Variants in BIRC6 observed in about 807,000 individuals in gnomAD.
The protein encoded by BIRC6 is dual E2 ubiquitin-conjugating enzyme/E3 ubiquitin-protein ligase BIRC6.
Under a neutral mutation model 503.3 loss-of-function variants are expected in BIRC6, and 98 were observed. That is an observed-to-expected ratio of 0.19 (90% CI 0.17 to 0.23). The LOEUF (loss-of-function observed/expected upper bound fraction) is 0.23, where lower values mean the gene tolerates loss of function less well. BIRC6 is among the 10% of genes least tolerant of loss of function. BIRC6 has a pLI of 1.00. For missense variants in BIRC6, 5,360 were observed against 5,806.0 expected (o/e 0.92, Z 2.50); for synonymous variants, 2,240 against 2,078.7 (o/e 1.08, Z -2.11).
chr2:32,528,855 G>A (rs1224343904), intron 59 of BIRC6: 1 of 151,986 alleles, frequency 6.6e-6, no homozygotes, highest in African/African-American at 2.4e-5. Context: ...AGGGATGTGT[G>A]TATGTGTGTA....
intron 66 of BIRC6, among the ~76,000 whole-genome samples, chr2:32,585,929 C>G (rs888628479): frequency 6.6e-6 from 1 of 152,076 alleles, no homozygotes; most frequent in African/African-American, 2.4e-5. Context: ...ATGTACTATT[C>G]TTATTTGATA....
At chr2:32,513,240 T>C (rs1392739197) in intron 54 of BIRC6, 86 bp downstream of exon 54, 3 of 916,342 alleles carry the variant, frequency 3.3e-6, no homozygotes, top group Non-Finnish European at 5.0e-6. Context: ...TTTACATGTT[T>C]ATTAGGAGAA....
At chr2:32,530,044 C>G (rs1055778446) in intron 60 of BIRC6, among the ~76,000 whole-genome samples, 2 of 151,952 alleles carry the variant, frequency 1.3e-5, no homozygotes, top group African/African-American at 4.8e-5. Flanking sequence ...AGCGCATGTA[C>G]TTTAATTTCT....
intron 50 of BIRC6, among the ~76,000 whole-genome samples, chr2:32,507,382 A>T (rs1487929515): frequency 6.6e-6 from 1 of 152,168 alleles, no homozygotes; most frequent in Non-Finnish European, 1.5e-5. Context: ...GTGAGCTAAG[A>T]TCGTGCCACT....
intron 13 of BIRC6, 134 bp from the exon 14 acceptor site, chr2:32,435,358 AGAAG>A (rs1472355896): frequency 1.1e-6 from 1 of 929,928 alleles, no homozygotes. Context: ...TGAAAATCAC[AGAAG>A]TTCCCAAGTT....
chr2:32,579,604 G>A (rs1006291086), intron 66 of BIRC6, among the ~76,000 whole-genome samples: 2 of 151,992 alleles, frequency 1.3e-5, no homozygotes, highest in South Asian at 2.1e-4. Context: ...TGGGAGGATC[G>A]CTTGAGACTA....
chr2:32,491,775 C>A (rs917946273), intron 44 of BIRC6, among the ~76,000 whole-genome samples: 1 of 152,064 alleles, frequency 6.6e-6, no homozygotes, highest in Non-Finnish European at 1.5e-5. Flanking sequence ...ACTAGGTTTT[C>A]ATATAGATAC....
chr2:32,613,000 A>G (rs2062983889), intron 73 of BIRC6, among the ~76,000 whole-genome samples: 1 of 151,948 alleles, frequency 6.6e-6, no homozygotes, highest in Admixed American at 6.6e-5. Flanking sequence ...TATTTTACCA[A>G]AGTTACCATC....
chr2:32,413,361 G>A (rs948250894), intron 9 of BIRC6, among the ~76,000 whole-genome samples: 3 of 151,844 alleles, frequency 2.0e-5, no homozygotes, highest in Non-Finnish European at 4.4e-5. Context: ...TGCATTTTTA[G>A]TAGAAATGGG....
chr2:32,502,040 T>A (rs2053254606), intron 47 of BIRC6, among the ~76,000 whole-genome samples, 152 bp downstream of exon 47: 1 of 152,194 alleles, frequency 6.6e-6, no homozygotes, highest in South Asian at 2.1e-4. Flanking sequence ...TTAATAAAAG[T>A]TGGAGAATAA....
chr2:32,532,972 G>A (rs1189977954), intron 61 of BIRC6, among the ~76,000 whole-genome samples: 2 of 152,006 alleles, frequency 1.3e-5, no homozygotes, highest in Non-Finnish European at 2.9e-5. Flanking sequence ...ATTTTGAGTA[G>A]CATGATTTAA....
intron 34 of BIRC6, among the ~76,000 whole-genome samples, chr2:32,477,068 G>A (rs2049847948): frequency 1.3e-5 from 2 of 152,252 alleles, no homozygotes; most frequent in Admixed American, 1.3e-4. Flanking sequence ...GGATGTTACG[G>A]TAATATTTAT....
At chr2:32,409,305 G>A (rs780764800) in intron 9 of BIRC6, among the ~76,000 whole-genome samples, 3 of 151,794 alleles carry the variant, frequency 2.0e-5, no homozygotes, top group African/African-American at 4.8e-5. Flanking sequence ...GATTACAGGC[G>A]CCCACCACCA....
intron 2 of BIRC6, among the ~76,000 whole-genome samples, chr2:32,378,480 C>CA (rs1237528902): frequency 6.7e-6 from 1 of 149,254 alleles, no homozygotes; most frequent in Non-Finnish European, 1.5e-5. Context: ...TTCTTTGAGT[C>CA]AGAGTCTTGC....
rs1200867565 is a variant in BIRC6 at position 32,611,922 on chromosome 2, C to G, written c.14394+340C>G. The stretch of plus-strand genomic sequence containing the variant: ...CTGGATTTCATTCTGTTGTCCCAGC[C>G]TAGAGTGCAGTGGTGGCATCATGAC... On this transcript the variant is annotated intron_variant, in intron 73 of 73. Coordinates refer to ENST00000421745, the MANE Select transcript of BIRC6 (RefSeq NM_016252.4). Among the ~76,000 whole-genome samples the G allele has an allele frequency of 2.6e-5, 4 of 152,250 alleles. No homozygotes were observed. In the East Asian group the frequency reaches 7.7e-4, roughly 29 times the overall value.
intron 57 of BIRC6, among the ~76,000 whole-genome samples, chr2:32,524,392 T>A (rs1235047439): frequency 6.6e-6 from 1 of 152,226 alleles, no homozygotes; most frequent in Non-Finnish European, 1.5e-5. Context: ...CTTTCATTTG[T>A]AATATAAGCA....
intron 45 of BIRC6, among the ~76,000 whole-genome samples, chr2:32,494,223 T>C (rs2052127720): frequency 6.6e-6 from 1 of 152,030 alleles, no homozygotes; most frequent in Non-Finnish European, 1.5e-5. Context: ...CATTACTTTC[T>C]GATGAAAACT....
At chr2:32,508,492 T>A (rs2054044172) in intron 51 of BIRC6, among the ~76,000 whole-genome samples, 1 of 152,026 alleles carries the variant, frequency 6.6e-6, no homozygotes, top group Non-Finnish European at 1.5e-5. Context: ...TTTGAGATGA[T>A]CTGTATGCTA....
At chr2:32,496,475 C>T (rs932307020) in intron 45 of BIRC6, among the ~76,000 whole-genome samples, 3 of 152,170 alleles carry the variant, frequency 2.0e-5, no homozygotes, top group African/African-American at 7.2e-5. Context: ...CCACCTGCCT[C>T]CATTTCCCAA....
Sources: allele counts gnomAD v4.1 joint callset (sites outside exome capture counted in the v4.1 genomes callset), GRCh38; gene constraint gnomAD v4.1.1; transcripts MANE v1.5; gene names NCBI Gene and HGNC (gene_info 2026-07-23, HGNC 2026-07-21).